The following PRUNE2 variants were observed in gnomAD, a reference collection of about 807,000 sequenced individuals.
The protein encoded by PRUNE2 is prune homolog 2 with BCH domain, also known as protein prune homolog 2.
PRUNE2 carries 164 observed loss-of-function variants against 252.0 expected under a neutral mutation model. The ratio of observed to expected loss-of-function variants is 0.65; its 90% CI spans 0.57 to 0.74. PRUNE2 has a LOEUF of 0.74. PRUNE2 is among the 30% of genes least tolerant of loss of function. The pLI, the probability that PRUNE2 is intolerant of heterozygous loss-of-function variation, is 0.00. For synonymous variants in PRUNE2, 1,292 were observed against 1,350.2 expected (o/e 0.96, Z 0.94); for missense variants, 3,495 against 3,711.0 (o/e 0.94, Z 1.51).
At chr9:76,789,085 GAT>G (rs1437159301) in intron 6 of PRUNE2, among the ~76,000 whole-genome samples, 11 of 152,264 alleles carry the variant, frequency 7.2e-5, no homozygotes, top group African/African-American at 2.6e-4. Context: ...ATGGACAATA[GAT>G]ATGTTTACAT....
rs890444008 is a variant in PRUNE2, at chr9:76,789,337, T to C, written c.756+34295A>G. ...CATTTTACAAAAGAAGAAATGGGGC[T>C]TGAAGAGGTTTTGACTTGCTGAAGT... On this transcript the variant is annotated intron_variant, in intron 6 of 18. Transcript: ENST00000376718. Among the ~76,000 whole-genome samples, 3 of 152,202 alleles carry C rather than the reference T, an allele frequency of 2.0e-5. No individual in the cohort carries two copies. The South Asian group carries it at 6.2e-4, about 31-fold the overall frequency.
intron 4 of PRUNE2, among the ~76,000 whole-genome samples, chr9:76,834,605 A>T (rs1200310867): frequency 2.7e-4 from 41 of 152,202 alleles, no homozygotes; most frequent in Admixed American, 2.7e-3. Flanking sequence ...AACCTAACAG[A>T]TATTACATTA....
chr9:76,845,471 T>C (rs1311729835), intron 4 of PRUNE2, among the ~76,000 whole-genome samples: 1 of 152,236 alleles, frequency 6.6e-6, no homozygotes, highest in East Asian at 1.9e-4. Flanking sequence ...CTTAGTTTAG[T>C]TGAGGGCACA....
intron 9 of PRUNE2, among the ~76,000 whole-genome samples, chr9:76,670,972 T>A (rs1011964236): frequency 2.6e-5 from 4 of 152,098 alleles, no homozygotes; most frequent in Admixed American, 2.6e-4. Flanking sequence ...ACAGAAAAAC[T>A]GGAAACTCTA....
At chr9:76,846,434 G>A (rs2059672824) in intron 4 of PRUNE2, 81 bp downstream of exon 4, 2 of 1,225,860 alleles carry the variant, frequency 1.6e-6, no homozygotes, top group Admixed American at 4.4e-5. Flanking sequence ...CCCAAGAATG[G>A]ATCGCATTCT....
At chr9:76,873,872 T>C (rs921066736) in intron 1 of PRUNE2, among the ~76,000 whole-genome samples, 14 of 152,180 alleles carry the variant, frequency 9.2e-5, no homozygotes, top group African/African-American at 3.4e-4. Flanking sequence ...CCACCGCAAG[T>C]ACTAAAATAC....
rs757025346 is a variant in PRUNE2 at position 76,707,725 on chromosome 9, C to G, written c.4549G>C (p.Gly1517Arg). Residue 1517 changes from glycine to arginine, a missense_variant, in exon 8 of 19, where the codon GGG becomes CGG. By Grantham distance (125) the Gly-to-Arg change is moderately radical (BLOSUM62 -2). Coordinates refer to ENST00000376718, the MANE Select transcript of PRUNE2 (RefSeq NM_015225.3). ...GCTCCTGGAAGGCTATTTTCAGACC[C>G]CTTAACGTCAAGATTTTTGGTTATC... is the stretch of plus-strand genomic sequence containing the variant. ...SEITKNLDVK[G>R]SENSLPGAGS... The G allele has an allele frequency of 1.1e-4, 174 of 1,613,696 alleles. No individual in the cohort carries two copies. Among genetic ancestry groups the G allele is most frequent in the Non-Finnish European group, 1.4e-4 (160 of 1,179,858 alleles).
intron 4 of PRUNE2, among the ~76,000 whole-genome samples, chr9:76,830,519 G>C (rs1422659547): frequency 6.6e-6 from 1 of 151,954 alleles, no homozygotes; most frequent in Admixed American, 6.6e-5. Flanking sequence ...GGGCATGATG[G>C]TGGGTGCCTG....
intron 4 of PRUNE2, among the ~76,000 whole-genome samples, chr9:76,838,618 C>T (rs2132289720): frequency 7.0e-6 from 1 of 143,280 alleles, no homozygotes; most frequent in Admixed American, 7.2e-5. Flanking sequence ...GCACTCCAGC[C>T]TGGGCAACAA....
chr9:76,691,841 C>T (rs1008253116), intron 9 of PRUNE2: 10 of 519,538 alleles, frequency 1.9e-5, no homozygotes, highest in Admixed American at 1.4e-4. Flanking sequence ...AAGAAAGGGG[C>T]GGGGACAGCA....
chr9:76,881,553 T>C (rs910340043), intron 1 of PRUNE2, among the ~76,000 whole-genome samples: 10 of 152,158 alleles, frequency 6.6e-5, no homozygotes, highest in African/African-American at 2.4e-4. Flanking sequence ...CCTATACATA[T>C]TCTCCATTGC....
intron 11 of PRUNE2, 24 bp downstream of exon 11, chr9:76,652,459 G>C: frequency 6.5e-7 from 1 of 1,536,698 alleles, no homozygotes; most frequent in Non-Finnish European, 9.0e-7. Context: ...ATTTAACTTT[G>C]GCCTTGCCAA....
chr9:76,628,851 CTTT>C (rs10632629), intron 16 of PRUNE2, among the ~76,000 whole-genome samples: 1 of 145,262 alleles, frequency 6.9e-6, no homozygotes, highest in Non-Finnish European at 1.5e-5. Flanking sequence ...CAAACACACA[CTTT>C]TTTTTTTTTT....
At chr9:76,688,221 T>C (rs1190027992) in intron 9 of PRUNE2, among the ~76,000 whole-genome samples, 2 of 152,242 alleles carry the variant, frequency 1.3e-5, no homozygotes, top group East Asian at 1.9e-4. Flanking sequence ...TAGGTACACC[T>C]CAGTAGATAC....
At position 76,652,545 on chromosome 9, in the gene PRUNE2, T is replaced by A; in HGVS notation, c.8495A>T (p.Asp2832Val). 2 of 1,613,468 alleles carry A rather than the reference T, an allele frequency of 1.2e-6. No homozygotes were observed. Among genetic ancestry groups the A allele is most frequent in the Non-Finnish European group, 1.7e-6 (2 of 1,179,490 alleles). The change falls in exon 11 of 19, where the codon GAC becomes GTC. Residue 2832 changes from aspartate (D) to valine (V), a missense_variant. Physicochemically the swap from Asp to Val is radical, Grantham distance 152. Transcript: ENST00000376718. ...GGTATCAAGTTCATCCACATTGATG[T>A]CAATTTCATCTGGACTGTCCAAGTT... is the stretch of plus-strand genomic sequence containing the variant. ...DDNLDSPDEI[D>V]INVDELDTPD... is the part of the protein sequence containing the mutation.
chr9:76,713,415 C>T (rs941053668), intron 7 of PRUNE2, 148 bp downstream of exon 7: 65 of 481,174 alleles, frequency 1.4e-4, no homozygotes, highest in Non-Finnish European at 2.1e-4. Context: ...AAAGTACCCC[C>T]ATCATTTCCT....
intron 9 of PRUNE2, among the ~76,000 whole-genome samples, chr9:76,699,372 G>A (rs1249111032): frequency 6.6e-6 from 1 of 152,030 alleles, no homozygotes; most frequent in African/African-American, 2.4e-5. Flanking sequence ...CAGTTTAGAT[G>A]TTGTTGTAAA....
At chr9:76,795,863 G>A (rs1191838203) in intron 6 of PRUNE2, among the ~76,000 whole-genome samples, 1 of 152,082 alleles carries the variant, frequency 6.6e-6, no homozygotes. Flanking sequence ...ATTTAATATT[G>A]AAGTACTTCT....
chr9:76,774,592 G>A (rs1437393616), intron 6 of PRUNE2, among the ~76,000 whole-genome samples: 1 of 151,136 alleles, frequency 6.6e-6, no homozygotes, highest in African/African-American at 2.4e-5. Flanking sequence ...CCAGGTAGCT[G>A]GGATTACAGG....
Sources: allele counts gnomAD v4.1 joint callset (sites outside exome capture counted in the v4.1 genomes callset), GRCh38; gene constraint gnomAD v4.1.1; transcripts MANE v1.5; gene names NCBI Gene and HGNC (gene_info 2026-07-23, HGNC 2026-07-21).